The following CSMD1 variants were observed in gnomAD, a reference collection of about 807,000 sequenced individuals.
CSMD1 encodes CUB and Sushi multiple domains 1, also known as CUB and sushi domain-containing protein 1.
CSMD1 carries 213 observed loss-of-function variants against 417.5 expected under a neutral mutation model. That is an observed-to-expected ratio of 0.51 (90% CI 0.46 to 0.57). The LOEUF (loss-of-function observed/expected upper bound fraction) is 0.57. Among genes scored for constraint, CSMD1 ranks in the 20% least tolerant of loss-of-function variants. The pLI, the probability that CSMD1 is intolerant of heterozygous loss-of-function variation, is 0.00. For missense variants in CSMD1, 6,923 were observed against 4,529.7 expected, an observed-to-expected ratio of 1.53 and a Z score of -15.17; for synonymous variants, 2,862 against 1,736.8, an observed-to-expected ratio of 1.65 and a Z score of -16.11.
intron 30 of CSMD1, among the ~76,000 whole-genome samples, chr8:3,206,304 G>T (rs945469137): frequency 6.5e-5 from 9 of 138,426 alleles, no homozygotes; most frequent in Non-Finnish European, 1.2e-4. Flanking sequence ...TGTGGGGTGT[G>T]TGTGTATCTG....
At chr8:4,222,731 TCAAA>T (rs1454385795) in intron 3 of CSMD1, among the ~76,000 whole-genome samples, 2 of 152,082 alleles carry the variant, frequency 1.3e-5, no homozygotes, top group East Asian at 1.9e-4. Flanking sequence ...TAAAAAGTGG[TCAAA>T]CACTCTTTCT....
At chr8:3,109,544 C>T (rs1816367116) in intron 43 of CSMD1, among the ~76,000 whole-genome samples, 1 of 152,128 alleles carries the variant, frequency 6.6e-6, no homozygotes, top group Non-Finnish European at 1.5e-5. Flanking sequence ...TTATTTCCCA[C>T]AAAATGAGCC....
chr8:3,501,984 T>C (rs1005444651), intron 10 of CSMD1, among the ~76,000 whole-genome samples: 3 of 152,108 alleles, frequency 2.0e-5, no homozygotes, highest in African/African-American at 7.2e-5. Context: ...GAATGCAAAA[T>C]GGTACAGTCA....
chr8:3,200,311 T>G (rs1375017336), intron 32 of CSMD1, among the ~76,000 whole-genome samples: 3 of 151,970 alleles, frequency 2.0e-5, no homozygotes, highest in Non-Finnish European at 2.9e-5. Context: ...TCCCAGCATT[T>G]TGGGAGGCTG....
intron 1 of CSMD1, among the ~76,000 whole-genome samples, chr8:4,983,556 C>A (rs1010782375): frequency 6.6e-6 from 1 of 152,096 alleles, no homozygotes. Context: ...GAATTTCACT[C>A]CTGTCGCCCA....
rs543236225 is a variant in CSMD1, at chr8:4,957,203, T to C, written c.85+37129A>G. Among the ~76,000 whole-genome samples the C allele has an allele frequency of 4.6e-5, 7 of 152,320 alleles. No individual in the cohort carries two copies. The East Asian group carries it at 5.8e-4, about 13-fold the overall frequency. ...ACACTGACCTGTAGACCTAAAGCTA[T>C]AGCAAACTGTTCTGCCTGGGAGCCT... On this transcript the variant is annotated intron_variant, in intron 1 of 69. Coordinates refer to ENST00000635120, the MANE Select transcript of CSMD1 (RefSeq NM_033225.6).
chr8:4,028,407 TG>T (rs1234158098), intron 4 of CSMD1, among the ~76,000 whole-genome samples: 2 of 152,030 alleles, frequency 1.3e-5, no homozygotes, highest in Non-Finnish European at 2.9e-5. Context: ...TACTAGCTTG[TG>T]GGGTGGTGGT....
At chr8:3,033,467 T>A (rs1488907639) in intron 50 of CSMD1, among the ~76,000 whole-genome samples, 2 of 152,008 alleles carry the variant, frequency 1.3e-5, no homozygotes, top group Non-Finnish European at 2.9e-5. Flanking sequence ...TAAAATAAAT[T>A]TGGCTCACTG....
At chr8:3,520,039 T>TACAC (rs1554452249) in intron 10 of CSMD1, among the ~76,000 whole-genome samples, 4 of 147,110 alleles carry the variant, frequency 2.7e-5, no homozygotes, top group African/African-American at 1.0e-4. Flanking sequence ...TATATATATA[T>TACAC]ACACGTATAG....
At chr8:3,542,018 A>G (rs1563137069) in intron 10 of CSMD1, among the ~76,000 whole-genome samples, 1 of 152,186 alleles carries the variant, frequency 6.6e-6, no homozygotes, top group East Asian at 1.9e-4. Flanking sequence ...TTTCGAAAAA[A>G]AGGAAAAAAT....
chr8:4,137,691 G>C (rs954064479), intron 3 of CSMD1, among the ~76,000 whole-genome samples: 1 of 130,584 alleles, frequency 7.7e-6, no homozygotes, highest in Non-Finnish European at 1.8e-5. Flanking sequence ...ATAGCTGTAA[G>C]ACAAGAGATC....
At chr8:3,307,130 T>A (rs1216055030) in intron 25 of CSMD1, among the ~76,000 whole-genome samples, 1 of 152,174 alleles carries the variant, frequency 6.6e-6, no homozygotes, top group Non-Finnish European at 1.5e-5. Context: ...TAGAGTGTAT[T>A]TCTTCATATC....
chr8:4,965,200 G>A (rs949827800), intron 1 of CSMD1, among the ~76,000 whole-genome samples: 1 of 152,232 alleles, frequency 6.6e-6, no homozygotes. Context: ...CACACATGAA[G>A]GGCCTCTGAT....
chr8:4,292,546 C>A (rs1428449791), intron 3 of CSMD1, among the ~76,000 whole-genome samples: 2 of 152,102 alleles, frequency 1.3e-5, no homozygotes, highest in African/African-American at 4.8e-5. Flanking sequence ...CGTGAGCCAC[C>A]GTGCCCGCCC....
intron 3 of CSMD1, among the ~76,000 whole-genome samples, chr8:4,128,956 G>C (rs1411044982): frequency 6.6e-6 from 1 of 151,444 alleles, no homozygotes; most frequent in Non-Finnish European, 1.5e-5. Flanking sequence ...TGTGCCTGTA[G>C]TCCCAGCTAC....
Position 3,958,618 on chromosome 8 carries a change from A to G in CSMD1, c.818+39285T>C, listed in dbSNP as rs556394106. Among the ~76,000 whole-genome samples the G allele has an allele frequency of 3.9e-5, 6 of 152,262 alleles. No individual in the cohort carries two copies. In the South Asian group the frequency reaches 1.0e-3, roughly 26 times the overall value. On this transcript the variant is annotated intron_variant, in intron 5 of 69. Transcript: ENST00000635120. ...CACATACCCGCATTTGAATAATTTAAATGAGGTCCACCACATATTGTAAAA... is the reference window on the plus strand; with the variant it reads ...CACATACCCGCATTTGAATAATTTAGATGAGGTCCACCACATATTGTAAAA...
Position 4,139,282 on chromosome 8 carries a change from G to A in CSMD1, c.416-107183C>T, listed in dbSNP as rs1233155620. Among the ~76,000 whole-genome samples the A allele has an allele frequency of 2.6e-5, 4 of 152,162 alleles. 1 individual carries two copies. Among genetic ancestry groups the A allele is most frequent in the African/African-American group, 9.7e-5 (4 of 41,428 alleles). ...ATCAGTGTAAAGTGTTGCATAATTG[G>A]CACCCTGTGTCTTACAGCTGTCGTT... On this transcript the variant is annotated intron_variant, in intron 3 of 69. Coordinates refer to ENST00000635120, the MANE Select transcript of CSMD1 (RefSeq NM_033225.6).
At chr8:3,551,578 GTA>G (rs55961739) in intron 10 of CSMD1, among the ~76,000 whole-genome samples, 5,442 of 117,534 alleles carry the variant, frequency 0.046, 144 homozygotes, top group Middle Eastern at 0.093. Flanking sequence ...TAATAAATAT[GTA>G]TATATATATA....
At chr8:3,101,949 C>T (rs981333064) in intron 46 of CSMD1, among the ~76,000 whole-genome samples, 8 of 151,882 alleles carry the variant, frequency 5.3e-5, no homozygotes, top group African/African-American at 1.9e-4. Context: ...TTACAGATGT[C>T]TGCCACCACA....
Sources: allele counts gnomAD v4.1 joint callset (sites outside exome capture counted in the v4.1 genomes callset), GRCh38; gene constraint gnomAD v4.1.1; transcripts MANE v1.5; gene names NCBI Gene and HGNC (gene_info 2026-07-23, HGNC 2026-07-21).